The following HPSE2 variants were observed in gnomAD, a reference collection of about 807,000 sequenced individuals.
HPSE2 encodes the protein heparanase 2 (inactive).
HPSE2 carries 38 observed loss-of-function variants against 60.5 expected under a neutral mutation model. The observed-to-expected ratio is 0.63, with a 90% CI of 0.48 to 0.82. The LOEUF is 0.82. Ranked by LOEUF, HPSE2 falls within the 40% of genes least tolerant of loss-of-function variation. The probability of loss-of-function intolerance (pLI) is 0.00; values close to 1 mark genes in which losing one functional copy is unlikely to be tolerated. For synonymous variants in HPSE2, 295 were observed against 293.2 expected, an observed-to-expected ratio of 1.01 and a Z score of -0.06; for missense variants, 713 against 740.4, an observed-to-expected ratio of 0.96 and a Z score of 0.43.
At chr10:98,539,578 T>C (rs1016281433) in intron 9 of HPSE2, among the ~76,000 whole-genome samples, 2 of 152,136 alleles carry the variant, frequency 1.3e-5, no homozygotes, top group Non-Finnish European at 2.9e-5. Context: ...TGTGATCCTG[T>C]TTTTAGCATT....
chr10:98,521,911 C>T (rs1203212917), intron 9 of HPSE2, among the ~76,000 whole-genome samples: 3 of 152,054 alleles, frequency 2.0e-5, no homozygotes, highest in African/African-American at 7.2e-5. Context: ...CATGTTCTCA[C>T]TCATAGGTGG....
chr10:98,512,812 A>AACACACACACACAC (rs71007394), intron 9 of HPSE2, among the ~76,000 whole-genome samples: 17,115 of 124,378 alleles, frequency 0.14, 1,527 homozygotes, highest in Middle Eastern at 0.16. Context: ...CCCACCCCCC[A>AACACACACACACAC]ACACACACAC....
Position 98,743,784 on chromosome 10 carries a change from G to T in HPSE2, c.784+99C>A, listed in dbSNP as rs1006926151. The T allele has an allele frequency of 3.1e-5, 34 of 1,113,076 alleles. No individual in the cohort carries two copies. The Middle Eastern group carries it at 9.3e-4, about 30-fold the overall frequency. The allele number at this position is 1,113,076 out of a possible 1,614,324, so 68.9% of individuals were successfully genotyped here. On this transcript the variant is annotated intron_variant, in intron 4 of 11. Transcript: ENST00000370552. ...GCCAAACATCACAAACGTTTTCTGG[G>T]CCAGGGTACTAGAGATGGTCTGATT...
At chr10:98,829,915 A>C (rs1455335804) in intron 3 of HPSE2, among the ~76,000 whole-genome samples, 2 of 152,124 alleles carry the variant, frequency 1.3e-5, no homozygotes, top group African/African-American at 4.8e-5. Flanking sequence ...CAGAATGTGC[A>C]GCTGTGTTAC....
intron 9 of HPSE2, among the ~76,000 whole-genome samples, chr10:98,523,420 A>T (rs990774644): frequency 6.6e-6 from 1 of 152,238 alleles, no homozygotes; most frequent in African/African-American, 2.4e-5. Flanking sequence ...TTGGCACAGA[A>T]ACCCAGTATG....
chr10:98,607,293 C>T (rs1362365300), intron 9 of HPSE2, among the ~76,000 whole-genome samples: 2 of 152,162 alleles, frequency 1.3e-5, no homozygotes, highest in Non-Finnish European at 2.9e-5. Context: ...CTTCTTCTCC[C>T]TAATTTATTT....
intron 3 of HPSE2, among the ~76,000 whole-genome samples, chr10:98,754,974 G>A (rs956440991): frequency 7.1e-6 from 1 of 140,216 alleles, no homozygotes; most frequent in African/African-American, 2.5e-5. Flanking sequence ...AATCAAGTCT[G>A]CATAAACACC....
intron 3 of HPSE2, among the ~76,000 whole-genome samples, chr10:99,135,168 T>TG (rs1185533834): frequency 4.6e-5 from 7 of 150,964 alleles, no homozygotes; most frequent in Non-Finnish European, 1.5e-5. Context: ...AAGAGTTAAC[T>TG]ATCCTAAATA....
chr10:98,559,929 G>A (rs1213521860), intron 9 of HPSE2, among the ~76,000 whole-genome samples: 1 of 152,138 alleles, frequency 6.6e-6, no homozygotes, highest in Non-Finnish European at 1.5e-5. Flanking sequence ...TGGGTTCTGG[G>A]TTCATGTGGG....
intron 5 of HPSE2, among the ~76,000 whole-genome samples, chr10:98,698,049 T>A (rs575074712): frequency 3.4e-5 from 5 of 147,356 alleles, no homozygotes; most frequent in Middle Eastern, 3.4e-3. Flanking sequence ...TGGGAGACTT[T>A]AACACCCCAC....
intron 3 of HPSE2, among the ~76,000 whole-genome samples, chr10:99,069,794 C>T (rs1024000766): frequency 4.0e-5 from 6 of 151,578 alleles, no homozygotes; most frequent in African/African-American, 1.5e-4. Flanking sequence ...TTGTTCTTAT[C>T]TAAAGAGGGT....
intron 3 of HPSE2, among the ~76,000 whole-genome samples, chr10:99,020,962 G>A (rs984695786): frequency 6.6e-6 from 1 of 152,208 alleles, no homozygotes; most frequent in Non-Finnish European, 1.5e-5. Context: ...GGTTACGAGA[G>A]TAGAGACAGG....
intron 6 of HPSE2, among the ~76,000 whole-genome samples, chr10:98,688,869 G>T (rs1327533441): frequency 6.6e-6 from 1 of 151,826 alleles, no homozygotes; most frequent in East Asian, 1.9e-4. Flanking sequence ...ATTTTTGCTG[G>T]ATATAGAATT....
chr10:99,083,205 C>T (rs1380164610), intron 3 of HPSE2, among the ~76,000 whole-genome samples: 1 of 151,660 alleles, frequency 6.6e-6, no homozygotes, highest in Non-Finnish European at 1.5e-5. Context: ...AAAGGAACAG[C>T]CTTACATTAC....
At chr10:98,710,294 C>T (rs929672254) in intron 5 of HPSE2, among the ~76,000 whole-genome samples, 11 of 152,230 alleles carry the variant, frequency 7.2e-5, no homozygotes, top group African/African-American at 2.6e-4. Context: ...TTCTCCTTTA[C>T]TCACTCCTTG....
At chr10:98,816,866 CT>C (rs200168699) in intron 3 of HPSE2, among the ~76,000 whole-genome samples, 5 of 151,684 alleles carry the variant, frequency 3.3e-5, no homozygotes, top group South Asian at 2.1e-4. Flanking sequence ...CCGTGTCAAT[CT>C]TTTTTTTTAT....
At chr10:98,730,493 A>G (rs1425588321) in intron 4 of HPSE2, among the ~76,000 whole-genome samples, 1 of 152,076 alleles carries the variant, frequency 6.6e-6, no homozygotes, top group Non-Finnish European at 1.5e-5. Flanking sequence ...GATATCAATG[A>G]TATTTTTAAA....
At chr10:98,732,149 T>TG (rs1001854481) in intron 4 of HPSE2, among the ~76,000 whole-genome samples, 55 of 152,218 alleles carry the variant, frequency 3.6e-4, no homozygotes, top group African/African-American at 1.3e-3. Context: ...ATTAAATAAA[T>TG]GGGAGATAAT....
At chr10:98,904,550 G>A (rs1483652694) in intron 3 of HPSE2, among the ~76,000 whole-genome samples, 2 of 152,246 alleles carry the variant, frequency 1.3e-5, no homozygotes, top group East Asian at 3.9e-4. Context: ...TCTTCTCCCA[G>A]AATAATTTAA....
Sources: gnomAD v4.1 joint callset for allele counts (sites outside exome capture counted in the v4.1 genomes callset) on GRCh38, gnomAD v4.1.1 for gene constraint, MANE v1.5 for transcripts, NCBI Gene and HGNC (gene_info 2026-07-23, HGNC 2026-07-21) for gene names.